The following FBXL13 variants were observed in gnomAD, a reference collection of about 807,000 sequenced individuals.
FBXL13 encodes the protein F-box and leucine rich repeat protein 13, also known as F-box and leucine-rich repeat protein 13.
Under a neutral mutation model 83.6 loss-of-function variants are expected in FBXL13, and 67 were observed. The ratio of observed to expected loss-of-function variants is 0.80; its 90% confidence interval spans 0.66 to 0.98. FBXL13 has a LOEUF of 0.98. FBXL13 is among the 50% of genes least tolerant of loss of function. The probability of loss-of-function intolerance (pLI) is 0.00; values close to 1 mark genes in which losing one functional copy is unlikely to be tolerated. For synonymous variants in FBXL13, 272 were observed against 299.5 expected, an observed-to-expected ratio of 0.91 and a Z score of 0.95; for missense variants, 822 against 866.5, an observed-to-expected ratio of 0.95 and a Z score of 0.64.
chr7:103,015,234 T>C (rs1792144315), intron 6 of FBXL13, among the ~76,000 whole-genome samples: 1 of 152,098 alleles, frequency 6.6e-6, no homozygotes. Flanking sequence ...ACAGCCAACA[T>C]CCTACTGAAT....
Position 102,959,423 on chromosome 7 carries a change from T to C in FBXL13, c.724+4110A>G, listed in dbSNP as rs10226513. 1.4e-3 allele frequency among the ~76,000 whole-genome samples: 206 copies of C among 152,082 alleles called. 1 individual carries two copies. The highest frequency in any genetic ancestry group is 4.7e-3 in the African/African-American group (195 of 41,498). On this transcript the variant is annotated intron_variant, in intron 8 of 19. Coordinates refer to ENST00000313221, the Ensembl canonical transcript of FBXL13. ...CACTATATGTGTGTGTACTTAAAAATCTATAGTAATATATATTGTTTGAAA... is the reference window on the plus strand; with the variant it reads ...CACTATATGTGTGTGTACTTAAAAACCTATAGTAATATATATTGTTTGAAA...
At chr7:102,938,649 C>A (rs1232179078) in intron 8 of FBXL13, among the ~76,000 whole-genome samples, 1 of 152,156 alleles carries the variant, frequency 6.6e-6, no homozygotes, top group Non-Finnish European at 1.5e-5. Flanking sequence ...GGGCATTGAT[C>A]AAATTCTCCT....
chr7:102,884,856 T>A (rs1459219915), intron 11 of FBXL13, among the ~76,000 whole-genome samples: 1 of 152,184 alleles, frequency 6.6e-6, no homozygotes, highest in Non-Finnish European at 1.5e-5. Flanking sequence ...TAAATTTACC[T>A]ATTCTGAATA....
At chr7:102,884,100 T>G in intron 12 of FBXL13, 114 bp downstream of exon 13, 1 of 757,660 alleles carries the variant, frequency 1.3e-6, no homozygotes, top group Non-Finnish European at 2.2e-6. Flanking sequence ...ATTTTATTAC[T>G]ATTTTAAAAT....
downstream of FBXL13, among the ~76,000 whole-genome samples, chr7:102,811,255 T>C (rs1489282783): frequency 6.6e-6 from 1 of 152,234 alleles, no homozygotes; most frequent in African/African-American, 2.4e-5. Flanking sequence ...TTGGATCACA[T>C]TGTTAAGTCC....
intron 16 of FBXL13, among the ~76,000 whole-genome samples, chr7:102,864,777 T>C (rs760457150): frequency 6.6e-6 from 1 of 152,246 alleles, no homozygotes; most frequent in Non-Finnish European, 1.5e-5. Flanking sequence ...CTAAGATGCA[T>C]ATAGTGCTTG....
rs191026011 is a variant in FBXL13 at position 103,051,874 on chromosome 7, G to A, written c.-1+3770C>T. Among the ~76,000 whole-genome samples, 1,094 of 152,288 alleles carry A rather than the reference G, an allele frequency of 7.2e-3. 10 individuals carry two copies. The highest frequency in any genetic ancestry group is 0.025 in the African/African-American group (1,031 of 41,556). On this transcript the variant is annotated intron_variant, in intron 2 of 19. Coordinates refer to ENST00000313221, the Ensembl canonical transcript of FBXL13. ...AGTAGTGTATGAATGGTTAAAGTAC[G>A]GCTGCTGGGATTGGCCAAGTCTCAG... is the stretch of plus-strand genomic sequence containing the variant.
At chr7:102,936,323 G>T (rs1820304677) in intron 8 of FBXL13, 1 of 152,168 alleles carries the variant, frequency 6.6e-6, no homozygotes, top group Admixed American at 6.5e-5. Context: ...GATCTCACAG[G>T]TAAGTAGCAA....
At chr7:102,911,849 C>T (rs771244162) in intron 11 of FBXL13, among the ~76,000 whole-genome samples, 4 of 152,180 alleles carry the variant, frequency 2.6e-5, no homozygotes, top group Non-Finnish European at 4.4e-5. Context: ...AAAAGCTACA[C>T]ATCAGCAGAT....
At chr7:103,003,277 GGTTTTT>G (rs1273324588) in intron 6 of FBXL13, among the ~76,000 whole-genome samples, 1 of 119,484 alleles carries the variant, frequency 8.4e-6, no homozygotes, top group Non-Finnish European at 1.7e-5. Flanking sequence ...GTTGTTTTGG[GGTTTTT>G]TTTTTTTTTT....
intron 8 of FBXL13, among the ~76,000 whole-genome samples, chr7:102,932,770 G>A (rs1372921774): frequency 3.3e-5 from 5 of 151,822 alleles, no homozygotes; most frequent in African/African-American, 1.2e-4. Context: ...CACCATGCCC[G>A]GCTAATTTTT....
chr7:102,955,108 C>G (rs569941424), intron 8 of FBXL13, among the ~76,000 whole-genome samples: 1 of 152,158 alleles, frequency 6.6e-6, no homozygotes, highest in Non-Finnish European at 1.5e-5. Flanking sequence ...AGCACCACAT[C>G]GCACTTATTC....
chr7:102,894,404 T>G (rs1294426823), intron 11 of FBXL13, among the ~76,000 whole-genome samples: 1 of 152,098 alleles, frequency 6.6e-6, no homozygotes, highest in Non-Finnish European at 1.5e-5. Context: ...TTTTGTTGAT[T>G]TGTGTATAGT....
At chr7:102,996,933 T>C in intron 6 of FBXL13, among the ~76,000 whole-genome samples, 1 of 152,234 alleles carries the variant, frequency 6.6e-6, no homozygotes, top group African/African-American at 2.4e-5. Context: ...CTTATTTCTT[T>C]AAGTCTTACC....
intron 6 of FBXL13, among the ~76,000 whole-genome samples, chr7:102,992,905 C>A (rs1829729281): frequency 6.6e-6 from 1 of 152,214 alleles, no homozygotes; most frequent in Non-Finnish European, 1.5e-5. Context: ...CCACGCCCAG[C>A]CTGTAAACAC....
At chr7:103,000,805 TCTTA>T (rs1355103603) in intron 6 of FBXL13, among the ~76,000 whole-genome samples, 3 of 152,246 alleles carry the variant, frequency 2.0e-5, no homozygotes, top group African/African-American at 7.2e-5. Context: ...TGTTATATCT[TCTTA>T]CTGAGTTGCT....
chr7:102,914,745 T>G (rs1244681274), intron 10 of FBXL13, among the ~76,000 whole-genome samples: 2 of 152,206 alleles, frequency 1.3e-5, no homozygotes, highest in Non-Finnish European at 2.9e-5. Flanking sequence ...CACCAGTGAC[T>G]AGGTGGGCAG....
At chr7:102,926,162 A>C (rs983176964) in intron 10 of FBXL13, 112 bp downstream of exon 11, 1 of 791,024 alleles carries the variant, frequency 1.3e-6, no homozygotes, top group Non-Finnish European at 2.0e-6. Context: ...AAGCAGTGCC[A>C]CAGTGGTGGG....
chr7:102,997,201 T>C (rs984143004), intron 6 of FBXL13, among the ~76,000 whole-genome samples: 8 of 152,192 alleles, frequency 5.3e-5, no homozygotes, highest in Admixed American at 2.6e-4. Context: ...ACAAAATGAA[T>C]GACCGCGGAA....
Sources: gnomAD v4.1 joint callset for allele counts (sites outside exome capture counted in the v4.1 genomes callset) on GRCh38, gnomAD v4.1.1 for gene constraint, MANE v1.5 for transcripts, NCBI Gene and HGNC (gene_info 2026-07-23, HGNC 2026-07-21) for gene names.